KIAA1328: variants seen among roughly 807,000 people sequenced by gnomAD.
The protein encoded by KIAA1328 is protein hinderin.
KIAA1328 carries 52 observed loss-of-function variants against 68.1 expected under a neutral mutation model. That is an observed-to-expected ratio of 0.76 (90% CI 0.61 to 0.96). The LOEUF (loss-of-function observed/expected upper bound fraction) is 0.96, where lower values mean the gene tolerates loss of function less well. Among genes scored for constraint, KIAA1328 ranks in the 40% least tolerant of loss-of-function variants. KIAA1328 has a pLI of 0.00. For missense variants in KIAA1328, 641 were observed against 677.6 expected (o/e 0.95, Z 0.60); for synonymous variants, 232 against 239.4 (o/e 0.97, Z 0.28).
At chr18:36,874,722 A>T (rs2048063092) in intron 4 of KIAA1328, among the ~76,000 whole-genome samples, 1 of 152,098 alleles carries the variant, frequency 6.6e-6, no homozygotes, top group Admixed American at 6.6e-5. Context: ...TTTGTTTGCC[A>T]TTGCTTTTGG....
At chr18:37,011,660 GGCAC>G (rs1479115242) in intron 6 of KIAA1328, among the ~76,000 whole-genome samples, 1 of 152,118 alleles carries the variant, frequency 6.6e-6, no homozygotes, top group Admixed American at 6.6e-5. Context: ...GAAATAACTT[GGCAC>G]GCACAGTATA....
intron 7 of KIAA1328, among the ~76,000 whole-genome samples, chr18:37,118,620 C>G (rs1017562484): frequency 6.6e-6 from 1 of 152,134 alleles, no homozygotes; most frequent in African/African-American, 2.4e-5. Context: ...AATTCAGAGA[C>G]TTGAATTGAT....
chr18:37,086,621 T>G (rs932138854), intron 7 of KIAA1328, among the ~76,000 whole-genome samples: 3 of 152,230 alleles, frequency 2.0e-5, no homozygotes, highest in Admixed American at 1.3e-4. Context: ...GGCAGTAATC[T>G]TTTTGTGTCA....
intron 6 of KIAA1328, among the ~76,000 whole-genome samples, chr18:37,038,913 T>G (rs1020243196): frequency 6.6e-6 from 1 of 152,178 alleles, no homozygotes; most frequent in Non-Finnish European, 1.5e-5. Context: ...TGAGAGTCTT[T>G]ATCATAAGTA....
At chr18:36,941,472 G>A (rs1162116371) in intron 5 of KIAA1328, among the ~76,000 whole-genome samples, 1 of 152,120 alleles carries the variant, frequency 6.6e-6, no homozygotes, top group Non-Finnish European at 1.5e-5. Context: ...GTGGATGCCT[G>A]CAATCCCAGC....
Position 37,003,172 on chromosome 18 carries a change from G to A in KIAA1328, c.576+43737G>A, listed in dbSNP as rs1480592577. 3.3e-5 allele frequency among the ~76,000 whole-genome samples: 5 copies of A among 151,832 alleles called. No homozygotes were observed. The East Asian group carries it at 5.8e-4, about 18-fold the overall frequency. ...TAATGAAACTGAACCCCCATCTCTC[G>A]ATGTACACAAAAATCAACTCAAAAT... On this transcript the variant is annotated intron_variant, in intron 6 of 9. Transcript: ENST00000280020.
chr18:37,004,426 C>T (rs1598947204), intron 6 of KIAA1328, among the ~76,000 whole-genome samples: 1 of 152,080 alleles, frequency 6.6e-6, no homozygotes, highest in East Asian at 1.9e-4. Flanking sequence ...TATAAACAAT[C>T]TCATCATAAA....
chr18:36,944,801 A>G (rs2050840860), intron 5 of KIAA1328, among the ~76,000 whole-genome samples: 1 of 152,322 alleles, frequency 6.6e-6, no homozygotes, highest in Admixed American at 6.5e-5. Context: ...ATAAAACCCC[A>G]AATCAGGTTG....
At chr18:37,054,420 A>C (rs1480064750) in intron 6 of KIAA1328, among the ~76,000 whole-genome samples, 1 of 152,216 alleles carries the variant, frequency 6.6e-6, no homozygotes. Flanking sequence ...CTAAGTGTCC[A>C]TCAATGGTGG....
intron 5 of KIAA1328, among the ~76,000 whole-genome samples, chr18:36,953,419 TAG>T (rs1324449948): frequency 6.5e-5 from 9 of 138,096 alleles, no homozygotes; most frequent in African/African-American, 2.4e-4. Context: ...GATAGATAGA[TAG>T]AGATAGATAG....
At chr18:36,912,362 T>C (rs528286587) in intron 5 of KIAA1328, among the ~76,000 whole-genome samples, 1 of 152,286 alleles carries the variant, frequency 6.6e-6, no homozygotes, top group East Asian at 1.9e-4. Context: ...CCTTGGCTCC[T>C]GGCTCTGTAT....
intron 4 of KIAA1328, among the ~76,000 whole-genome samples, chr18:36,883,159 A>G (rs189678512): frequency 7.2e-5 from 11 of 152,324 alleles, no homozygotes; most frequent in African/African-American, 2.4e-4. Flanking sequence ...ATTTTGTTAC[A>G]TATTTTCTTA....
At chr18:37,205,339 A>G (rs146881201) in intron 9 of KIAA1328, among the ~76,000 whole-genome samples, 2 of 152,282 alleles carry the variant, frequency 1.3e-5, no homozygotes, top group African/African-American at 4.8e-5. Flanking sequence ...AGTTTATGGG[A>G]AGAGTAAAGT....
At chr18:37,226,930 A>G (rs958679684), downstream of KIAA1328, among the ~76,000 whole-genome samples, 1 of 151,862 alleles carries the variant, frequency 6.6e-6, no homozygotes, top group Admixed American at 6.6e-5. Flanking sequence ...ACCACGCCCA[A>G]CTAATTTTGT....
chr18:37,203,612 C>G (rs2060156172), intron 9 of KIAA1328, among the ~76,000 whole-genome samples: 1 of 152,018 alleles, frequency 6.6e-6, no homozygotes, highest in Non-Finnish European at 1.5e-5. Context: ...TGTTAAGTAC[C>G]AGGTACAGAG....
chr18:37,134,553 G>A (rs1187596845), intron 7 of KIAA1328, among the ~76,000 whole-genome samples: 2 of 152,076 alleles, frequency 1.3e-5, no homozygotes, highest in Non-Finnish European at 2.9e-5. Context: ...GAAGACAGCT[G>A]TATTCTCATT....
chr18:36,835,306 C>T lies in KIAA1328; in HGVS notation c.167C>T (p.Thr56Ile), dbSNP rs2046635895. ...CCAAAAGCTGATGTTAAACTTAAGA[C>T]TTCCAGGGTGACTGATGCTTCAATC... The part of the protein sequence containing the change: ...MSPKADVKLK[T>I]SRVTDASISM... The change falls in exon 3 of 10, where the codon ACT (threonine) becomes ATT (isoleucine). Residue 56 changes from threonine to isoleucine, a missense_variant. By Grantham distance (89) the Thr-to-Ile change is moderately conservative. Coordinates refer to ENST00000280020, the MANE Select transcript of KIAA1328 (RefSeq NM_020776.3). 2 of 1,613,542 alleles carry T rather than the reference C, an allele frequency of 1.2e-6. No individual in the cohort carries two copies. The highest frequency in any genetic ancestry group is 1.3e-5 in the African/African-American group (1 of 74,914).
At chr18:36,983,873 A>C (rs528683490) in intron 6 of KIAA1328, among the ~76,000 whole-genome samples, 65 of 152,166 alleles carry the variant, frequency 4.3e-4, no homozygotes, top group Non-Finnish European at 7.9e-4. Flanking sequence ...TAGCAAATCA[A>C]ATGCAGCAAT....
At chr18:37,052,415 C>T (rs892992718) in intron 6 of KIAA1328, among the ~76,000 whole-genome samples, 6 of 152,060 alleles carry the variant, frequency 3.9e-5, no homozygotes, top group Admixed American at 1.3e-4. Flanking sequence ...AAAAGCATTA[C>T]CCCTAATAAC....
Sources: allele counts gnomAD v4.1 joint callset (sites outside exome capture counted in the v4.1 genomes callset), GRCh38; gene constraint gnomAD v4.1.1; transcripts MANE v1.5; gene names NCBI Gene and HGNC (gene_info 2026-07-23, HGNC 2026-07-21).